ASPRV1: variants seen among roughly 807,000 people sequenced by gnomAD.
ASPRV1 encodes retroviral-like aspartic protease 1.
In ASPRV1, 7 loss-of-function variants were observed where a neutral mutation model predicts 11.0. The observed-to-expected ratio is 0.64, with a 90% CI of 0.36 to 1.20. The LOEUF (loss-of-function observed/expected upper bound fraction) is 1.20. Ranked by LOEUF, ASPRV1 falls within the 50% of genes most tolerant of loss-of-function variation. The pLI is 0.02. For synonymous variants in ASPRV1, 136 were observed against 138.4 expected (o/e 0.98, Z 0.12); for missense variants, 299 against 320.0 (o/e 0.93, Z 0.50).
At chr2:70,078,934 TG>T in the ASPRV1 span, among the ~76,000 whole-genome samples, 1 of 152,158 alleles carries the variant, frequency 6.6e-6, no homozygotes, top group East Asian at 1.9e-4. Context: ...GGGCAGGTGG[TG>T]GGAAGTGTTT....
the ASPRV1 span, among the ~76,000 whole-genome samples, chr2:70,057,443 T>C: frequency 1.3e-5 from 2 of 152,086 alleles, no homozygotes; most frequent in Non-Finnish European, 2.9e-5. Context: ...TGTATATCTG[T>C]GTCATTTTTC....
the ASPRV1 span, among the ~76,000 whole-genome samples, chr2:69,998,677 A>G: frequency 6.6e-6 from 1 of 151,748 alleles, no homozygotes; most frequent in African/African-American, 2.4e-5. Flanking sequence ...TGCAGTGAGC[A>G]GAGATCACGC....
the ASPRV1 span, among the ~76,000 whole-genome samples, chr2:70,080,493 C>T: frequency 6.6e-6 from 1 of 152,194 alleles, no homozygotes; most frequent in Non-Finnish European, 1.5e-5. Flanking sequence ...GCCCAAAGTG[C>T]TGGGATTACA....
the ASPRV1 span, among the ~76,000 whole-genome samples, chr2:70,064,512 C>G: frequency 3.9e-5 from 6 of 152,222 alleles, no homozygotes; most frequent in African/African-American, 1.2e-4. Flanking sequence ...TAAGCTATAA[C>G]TTAGATGATG....
At chr2:69,996,110 G>A in the ASPRV1 span, among the ~76,000 whole-genome samples, 1 of 149,962 alleles carries the variant, frequency 6.7e-6, no homozygotes, top group African/African-American at 2.5e-5. Flanking sequence ...GTGGGGTGTC[G>A]AGGTTCACCC....
At chr2:69,935,888 G>A in the ASPRV1 span, among the ~76,000 whole-genome samples, 1 of 152,098 alleles carries the variant, frequency 6.6e-6, no homozygotes, top group East Asian at 1.9e-4. Context: ...GTCCTTCCAA[G>A]GTGCAAATCA....
upstream of ASPRV1, chr2:69,963,300 T>C (rs1419079424): frequency 2.2e-6 from 1 of 455,418 alleles, no homozygotes; most frequent in Non-Finnish European, 4.4e-6. Context: ...GAGCAGGTGG[T>C]TCTTTGAGAA....
chr2:70,025,452 G>A, the ASPRV1 span, among the ~76,000 whole-genome samples: 1 of 152,130 alleles, frequency 6.6e-6, no homozygotes, highest in African/African-American at 2.4e-5. Flanking sequence ...GAAGAGAAGG[G>A]AAAGAAAAGG....
the ASPRV1 span, among the ~76,000 whole-genome samples, chr2:70,021,579 G>C: frequency 6.6e-6 from 1 of 150,642 alleles, no homozygotes; most frequent in Non-Finnish European, 1.5e-5. Context: ...CGGCCTCCCA[G>C]AGTGCTGGGA....
the ASPRV1 span, among the ~76,000 whole-genome samples, chr2:69,953,640 A>C: frequency 6.6e-6 from 1 of 152,246 alleles, no homozygotes; most frequent in Non-Finnish European, 1.5e-5. Flanking sequence ...AAAGTGACTG[A>C]GAATGAATTT....
At chr2:69,992,562 T>C in the ASPRV1 span, among the ~76,000 whole-genome samples, 2 of 152,348 alleles carry the variant, frequency 1.3e-5, no homozygotes, top group Non-Finnish European at 2.9e-5. Context: ...GTGGAATGCT[T>C]ATGCCTGGCA....
the ASPRV1 span, among the ~76,000 whole-genome samples, chr2:70,068,761 G>A: frequency 4.0e-5 from 6 of 148,900 alleles, no homozygotes; most frequent in Non-Finnish European, 8.9e-5. Flanking sequence ...TGGAGAAAAC[G>A]CGTCTCTACT....
At chr2:69,996,048 A>G in the ASPRV1 span, among the ~76,000 whole-genome samples, 6 of 152,040 alleles carry the variant, frequency 3.9e-5, no homozygotes, top group South Asian at 1.0e-3. Flanking sequence ...CCCAGAGAAT[A>G]CAACTTCATA....
the ASPRV1 span, among the ~76,000 whole-genome samples, chr2:70,022,077 C>T: frequency 6.0e-5 from 9 of 151,134 alleles, no homozygotes; most frequent in Admixed American, 4.0e-4. Context: ...TGCAGTGGTG[C>T]GATCTCGGCT....
the ASPRV1 span, among the ~76,000 whole-genome samples, chr2:69,990,137 C>T: frequency 2.6e-5 from 4 of 152,192 alleles, no homozygotes; most frequent in South Asian, 2.1e-4. Flanking sequence ...GCTTGAACCC[C>T]GGTGCCTTGG....
At chr2:70,063,253 C>G in the ASPRV1 span, among the ~76,000 whole-genome samples, 7 of 152,298 alleles carry the variant, frequency 4.6e-5, no homozygotes, top group East Asian at 5.8e-4. Flanking sequence ...CTAACGCTGT[C>G]AAAATTTAAG....
the ASPRV1 span, among the ~76,000 whole-genome samples, chr2:70,079,406 A>G: frequency 6.6e-6 from 1 of 152,126 alleles, no homozygotes; most frequent in African/African-American, 2.4e-5. Context: ...CCAGGAATTC[A>G]AGGCTACAGT....
At chr2:70,013,115 C>T in the ASPRV1 span, among the ~76,000 whole-genome samples, 3 of 152,126 alleles carry the variant, frequency 2.0e-5, no homozygotes, top group Admixed American at 2.0e-4. Context: ...TGAAATGTGC[C>T]TACATTTAGA....
At chr2:70,081,006 A>C in the ASPRV1 span, 3 of 152,014 alleles carry the variant, frequency 2.0e-5, no homozygotes, top group Non-Finnish European at 4.4e-5. Flanking sequence ...CGTAGGCTCA[A>C]ACAATCCTCC....
Sources: allele counts gnomAD v4.1 joint callset (sites outside exome capture counted in the v4.1 genomes callset), GRCh38; gene constraint gnomAD v4.1.1; transcripts MANE v1.5; gene names NCBI Gene and HGNC (gene_info 2026-07-23, HGNC 2026-07-21).